The following GRB10 variants were observed in gnomAD, a reference collection of about 807,000 sequenced individuals.
GRB10 encodes growth factor receptor-bound protein 10.
Under a neutral mutation model 80.9 loss-of-function variants are expected in GRB10, and 20 were observed. The observed-to-expected ratio is 0.25, with a 90% confidence interval of 0.17 to 0.36. GRB10 has a LOEUF of 0.36. Among genes scored for constraint, GRB10 ranks in the 10% least tolerant of loss-of-function variants. GRB10 has a pLI of 1.00. For synonymous variants in GRB10, 291 were observed against 291.5 expected, an observed-to-expected ratio of 1.00 and a Z score of 0.02; for missense variants, 548 against 747.7, an observed-to-expected ratio of 0.73 and a Z score of 3.12.
chr7:50,780,108 CA>C (rs2078127570), intron 2 of GRB10, among the ~76,000 whole-genome samples: 1 of 152,194 alleles, frequency 6.6e-6, no homozygotes, highest in Non-Finnish European at 1.5e-5. Context: ...GAACAAAGCC[CA>C]TTCCACATGA....
intron 4 of GRB10, among the ~76,000 whole-genome samples, chr7:50,718,880 G>T (rs543438730): frequency 7.9e-5 from 12 of 152,002 alleles, no homozygotes; most frequent in African/African-American, 1.9e-4. Flanking sequence ...TTACCCAAGG[G>T]TGACACAGTC....
chr7:50,646,069 C>T (rs2057138088), intron 7 of GRB10, among the ~76,000 whole-genome samples: 1 of 152,220 alleles, frequency 6.6e-6, no homozygotes, highest in Non-Finnish European at 1.5e-5. Context: ...GTCTATCCAT[C>T]CACAACCCCA....
At chr7:50,776,203 C>T (rs369328370) in intron 2 of GRB10, among the ~76,000 whole-genome samples, 2 of 152,232 alleles carry the variant, frequency 1.3e-5, no homozygotes, top group East Asian at 3.9e-4. Flanking sequence ...TTTTCCATAT[C>T]CTTAAATTCT....
Position 50,595,479 on chromosome 7 carries a change from T to A in GRB10, c.1596A>T (p.Thr532=). The A allele has an allele frequency of 6.2e-7, 1 of 1,611,132 alleles. No homozygotes were observed. The highest frequency in any genetic ancestry group is 8.5e-7 in the Non-Finnish European group (1 of 1,177,370). ...SQSNPKAFVL[T]LCHHQKIKNF... ...TTTTAATTTTCTGGTGATGACACAG[T>A]GTGAGTACAAATGCCTTTGGATTAC... is the stretch of plus-strand genomic sequence containing the variant. The change falls in exon 18 of 19, where the codon ACA becomes ACT. Residue 532 remains threonine, a synonymous_variant. Coordinates refer to ENST00000401949, the MANE Select transcript of GRB10 (RefSeq NM_001350814.2).
At chr7:50,778,900 T>C (rs532684233) in intron 2 of GRB10, among the ~76,000 whole-genome samples, 1 of 152,198 alleles carries the variant, frequency 6.6e-6, no homozygotes, top group Non-Finnish European at 1.5e-5. Context: ...ATTCAAAAGG[T>C]TTCAAACCTT....
intron 5 of GRB10, among the ~76,000 whole-genome samples, chr7:50,687,807 C>T (rs892414615): frequency 2.6e-5 from 4 of 152,152 alleles, no homozygotes; most frequent in Admixed American, 6.5e-5. Flanking sequence ...TGGGCGCTGC[C>T]CTGGGAAGAT....
At chr7:50,730,483 T>C (rs1210988762) in intron 4 of GRB10, among the ~76,000 whole-genome samples, 2 of 152,206 alleles carry the variant, frequency 1.3e-5, no homozygotes, top group Non-Finnish European at 2.9e-5. Context: ...TTCTGAGAAA[T>C]TCTGGAACTG....
chr7:50,783,501 ACAC>A (rs1361319640), upstream of GRB10, among the ~76,000 whole-genome samples: 1 of 150,248 alleles, frequency 6.7e-6, no homozygotes, highest in Non-Finnish European at 1.5e-5. Context: ...ACATACATAC[ACAC>A]CACACACACA....
At chr7:50,673,989 A>C (rs764864786) in intron 6 of GRB10, among the ~76,000 whole-genome samples, 2 of 152,112 alleles carry the variant, frequency 1.3e-5, no homozygotes, top group Admixed American at 1.3e-4. Flanking sequence ...GAATTAGCAG[A>C]GGAATGTGGC....
At chr7:50,791,013 G>A (rs1452640962) in intron 1 of GRB10, among the ~76,000 whole-genome samples, 1 of 152,142 alleles carries the variant, frequency 6.6e-6, no homozygotes, top group Non-Finnish European at 1.5e-5. Context: ...CAGTCCTGGT[G>A]GCCATCACCA....
At chr7:50,624,418 C>T (rs2052493746) in intron 8 of GRB10, among the ~76,000 whole-genome samples, 1 of 152,222 alleles carries the variant, frequency 6.6e-6, no homozygotes, top group South Asian at 2.1e-4. Flanking sequence ...TGCAGCCCTG[C>T]ATTTTCTCAC....
chr7:50,672,530 A>G (rs1248387856), intron 6 of GRB10, among the ~76,000 whole-genome samples: 4 of 152,136 alleles, frequency 2.6e-5, no homozygotes, highest in African/African-American at 4.8e-5. Flanking sequence ...GACACCAGAG[A>G]GAAGACATTG....
At chr7:50,765,073 G>T (rs988647802) in intron 2 of GRB10, among the ~76,000 whole-genome samples, 14 of 152,170 alleles carry the variant, frequency 9.2e-5, no homozygotes, top group African/African-American at 3.4e-4. Context: ...TCCAAAAAAT[G>T]CTCAACACCA....
At chr7:50,650,849 G>C (rs1380755241) in intron 7 of GRB10, among the ~76,000 whole-genome samples, 1 of 137,188 alleles carries the variant, frequency 7.3e-6, no homozygotes, top group Non-Finnish European at 1.6e-5. Context: ...AATCTCCTGG[G>C]AGAAAAAAAA....
At chr7:50,696,183 G>A (rs1429550623) in intron 5 of GRB10, among the ~76,000 whole-genome samples, 2 of 152,084 alleles carry the variant, frequency 1.3e-5, no homozygotes, top group East Asian at 1.9e-4. Flanking sequence ...ACATGCACAC[G>A]TCATTGAAAT....
chr7:50,690,320 CAAAA>C (rs5884162), intron 5 of GRB10, among the ~76,000 whole-genome samples: 10,926 of 148,730 alleles, frequency 0.073, 1,360 homozygotes, highest in African/African-American at 0.26. Flanking sequence ...AACAAACAAA[CAAAA>C]AAAACAGAAA....
intron 4 of GRB10, among the ~76,000 whole-genome samples, chr7:50,710,257 A>AC (rs2065687783): frequency 6.6e-6 from 1 of 151,916 alleles, no homozygotes; most frequent in African/African-American, 2.4e-5. Flanking sequence ...GCCCAGCCTC[A>AC]CCCCAAGATC....
intron 6 of GRB10, among the ~76,000 whole-genome samples, chr7:50,671,595 C>T (rs2060357500): frequency 1.3e-5 from 2 of 152,196 alleles, no homozygotes; most frequent in Non-Finnish European, 2.9e-5. Context: ...GTGAACAAAT[C>T]CCACTCTTCC....
At position 50,710,739 on chromosome 7, in the gene GRB10, G is replaced by A. The variant is rs976825434; in HGVS notation, c.52-6831C>T. ...GACTCAGGGCAACTGCCTCACCTTC[G>A]GGGTATCTCCACACCTTCCTGAGGC... On this transcript the variant is annotated intron_variant, in intron 4 of 18. Transcript: ENST00000401949. The A allele has an allele frequency of 3.5e-5, 32 of 906,612 alleles. No individual in the cohort carries two copies. In the African/African-American group the frequency reaches 3.6e-4, roughly 10 times the overall value. The allele number at this position is 906,612 out of a possible 1,614,324, so 56.2% of individuals were successfully genotyped here. A position where few individuals can be genotyped will look rare whatever the true frequency, so the allele number is the denominator to read the frequency against.
Sources: gnomAD v4.1 joint callset for allele counts (sites outside exome capture counted in the v4.1 genomes callset) on GRCh38, gnomAD v4.1.1 for gene constraint, MANE v1.5 for transcripts, NCBI Gene and HGNC (gene_info 2026-07-23, HGNC 2026-07-21) for gene names.